Variants in PHLDB2 observed in about 807,000 individuals in gnomAD.
The protein encoded by PHLDB2 is pleckstrin homology like domain family B member 2.
In PHLDB2, 71 loss-of-function variants were observed where a neutral mutation model predicts 123.6. The observed-to-expected ratio is 0.57, with a 90% CI of 0.47 to 0.70. The LOEUF is 0.70. Among genes scored for constraint, PHLDB2 ranks in the 30% least tolerant of loss-of-function variants. The pLI, the probability that PHLDB2 is intolerant of heterozygous loss-of-function variation, is 0.00. For synonymous variants in PHLDB2, 547 were observed against 541.6 expected, an observed-to-expected ratio of 1.01 and a Z score of -0.14; for missense variants, 1,446 against 1,519.5, an observed-to-expected ratio of 0.95 and a Z score of 0.80.
At chr3:111,957,503 C>G (rs1278563380) in intron 12 of PHLDB2, 1 of 152,200 alleles carries the variant, frequency 6.6e-6, no homozygotes, top group Non-Finnish European at 1.5e-5. Context: ...AGGTCAGACC[C>G]TGCAGGAAAC....
chr3:111,733,131 C>G (rs187753526), intron 1 of PHLDB2, among the ~76,000 whole-genome samples: 1 of 151,974 alleles, frequency 6.6e-6, no homozygotes, highest in Admixed American at 6.6e-5. Flanking sequence ...TAATATATTC[C>G]GAGAAATATA....
rs59424964 is a variant in PHLDB2, at chr3:111,780,303, G to GGAA, written c.-49+47603_-49+47605dup. Among the ~76,000 whole-genome samples, 65 of 7,236 alleles carry GGAA rather than the reference G, an allele frequency of 9.0e-3. 8 individuals carry two copies. The highest frequency in any genetic ancestry group is 0.015 in the African/African-American group (25 of 1,630). The allele number at this position is 7,236 out of a possible 152,430, so 4.7% of individuals were successfully genotyped here. ...AAGAAGAAGAAGAAGAAGAGGAAGA[G>GGAA]GAAGAGGAAGAGGAAGAGGAAGAAG... On this transcript the variant is annotated intron_variant, in intron 1 of 17. Coordinates refer to the PHLDB2 transcript ENST00000393923.
At chr3:111,893,943 G>T (rs1458216995) in intron 2 of PHLDB2, among the ~76,000 whole-genome samples, 2 of 123,472 alleles carry the variant, frequency 1.6e-5, no homozygotes, top group African/African-American at 5.7e-5. Flanking sequence ...AAGTTTTAGG[G>T]TACATGTGCA....
chr3:111,864,943 T>A (rs1374137710), intron 1 of PHLDB2, among the ~76,000 whole-genome samples: 1 of 152,236 alleles, frequency 6.6e-6, no homozygotes, highest in African/African-American at 2.4e-5. Context: ...CTGCCCTAGA[T>A]GGCAGTATGT....
At chr3:111,881,338 G>A (rs943721331) in intron 1 of PHLDB2, among the ~76,000 whole-genome samples, 4 of 152,092 alleles carry the variant, frequency 2.6e-5, no homozygotes, top group East Asian at 3.9e-4. Flanking sequence ...ATCACTAGTC[G>A]CACTTCGTAT....
At chr3:111,749,960 T>TTGCA (rs2059742204) in intron 1 of PHLDB2, among the ~76,000 whole-genome samples, 1 of 152,118 alleles carries the variant, frequency 6.6e-6, no homozygotes. Flanking sequence ...ACACGTTTCC[T>TTGCA]TGCAGAGAAA....
intron 1 of PHLDB2, among the ~76,000 whole-genome samples, chr3:111,754,296 T>G (rs1298046586): frequency 1.4e-5 from 2 of 145,532 alleles, no homozygotes; most frequent in African/African-American, 5.2e-5. Flanking sequence ...GGAATGTTCT[T>G]CCATTTGTTT....
chr3:111,743,272 A>C (rs567175455), intron 1 of PHLDB2, among the ~76,000 whole-genome samples: 1 of 152,116 alleles, frequency 6.6e-6, no homozygotes, highest in African/African-American at 2.4e-5. Context: ...GTCTGGGGAG[A>C]TCCTTTTAAC....
At chr3:111,847,934 CTAAGAGGGTGTCCTT>C (rs2064071928) in intron 2 of PHLDB2, among the ~76,000 whole-genome samples, 1 of 152,036 alleles carries the variant, frequency 6.6e-6, no homozygotes, top group Non-Finnish European at 1.5e-5. Flanking sequence ...ATGACTGGAT[CTAAGAGGGTGTCCTT>C]TACTTAATTG....
intron 1 of PHLDB2, among the ~76,000 whole-genome samples, chr3:111,744,315 G>T (rs1373389714): frequency 6.6e-6 from 1 of 152,166 alleles, no homozygotes; most frequent in Non-Finnish European, 1.5e-5. Context: ...GTGGGGAGCA[G>T]ACCCTTCCGC....
At chr3:111,958,277 A>G (rs778703883) in intron 12 of PHLDB2, 3 of 989,272 alleles carry the variant, frequency 3.0e-6, no homozygotes, top group Non-Finnish European at 3.6e-6. Context: ...GTCATTAGGA[A>G]GAATGAATTC....
intron 1 of PHLDB2, among the ~76,000 whole-genome samples, chr3:111,754,241 A>G (rs1469530689): frequency 1.6e-4 from 23 of 143,596 alleles, no homozygotes; most frequent in Non-Finnish European, 2.3e-4. Context: ...TACCTTGGCC[A>G]GTATGTCCAT....
chr3:111,855,674 C>T (rs2064463027), upstream of PHLDB2, among the ~76,000 whole-genome samples: 1 of 125,528 alleles, frequency 8.0e-6, no homozygotes, highest in African/African-American at 3.1e-5. Context: ...TCTCACTCTG[C>T]CACCCAGGCT....
intron 1 of PHLDB2, among the ~76,000 whole-genome samples, chr3:111,813,788 G>T (rs2061950717): frequency 6.6e-6 from 1 of 152,190 alleles, no homozygotes; most frequent in South Asian, 2.1e-4. Context: ...ACAATTCATT[G>T]TGTGATATTT....
intron 1 of PHLDB2, among the ~76,000 whole-genome samples, chr3:111,869,504 G>A (rs1043793446): frequency 2.0e-5 from 3 of 152,100 alleles, no homozygotes; most frequent in African/African-American, 7.2e-5. Flanking sequence ...AAGCAAGAAA[G>A]CAACTGTGTA....
intron 1 of PHLDB2, among the ~76,000 whole-genome samples, chr3:111,820,293 C>A (rs145071182): frequency 6.6e-6 from 1 of 152,114 alleles, no homozygotes; most frequent in Non-Finnish European, 1.5e-5. Flanking sequence ...AAGTTAAAAA[C>A]GAAGTTAAAA....
intron 1 of PHLDB2, among the ~76,000 whole-genome samples, chr3:111,836,624 G>A (rs570513187): frequency 3.9e-5 from 6 of 152,194 alleles, no homozygotes; most frequent in South Asian, 2.1e-4. Flanking sequence ...AAGAACCACC[G>A]GAGTCTGGGC....
chr3:111,970,969 A>T (rs478151), intron 16 of PHLDB2, among the ~76,000 whole-genome samples: 128,203 of 151,626 alleles, frequency 0.85, 54,637 homozygotes, highest in Middle Eastern at 0.92. Context: ...GCCCCAGAAA[A>T]TGGGTGAGGA....
At chr3:111,961,159 C>T (rs547768463) in intron 12 of PHLDB2, among the ~76,000 whole-genome samples, 5 of 152,192 alleles carry the variant, frequency 3.3e-5, no homozygotes, top group East Asian at 1.9e-4. Context: ...GGTGAAACCC[C>T]GTCTCTACTA....
Sources: gnomAD v4.1 joint callset for allele counts (sites outside exome capture counted in the v4.1 genomes callset) on GRCh38, gnomAD v4.1.1 for gene constraint, MANE v1.5 for transcripts, NCBI Gene and HGNC (gene_info 2026-07-23, HGNC 2026-07-21) for gene names.